ADGRV1: variants seen among roughly 807,000 people sequenced by gnomAD.
ADGRV1 encodes G-protein coupled receptor 98.
In ADGRV1, 359 loss-of-function variants were observed where a neutral mutation model predicts 596.2. The observed-to-expected ratio is 0.60, with a 90% CI of 0.55 to 0.66. ADGRV1 has a LOEUF of 0.66. Ranked by LOEUF, ADGRV1 falls within the 30% of genes least tolerant of loss-of-function variation. The pLI, the probability that ADGRV1 is intolerant of heterozygous loss-of-function variation, is 0.00. For missense variants in ADGRV1, 7,274 were observed against 7,575.6 expected (o/e 0.96, Z 1.48); for synonymous variants, 2,681 against 2,679.2 (o/e 1.00, Z -0.02).
At chr5:90,849,232 T>A (rs1333795097) in intron 79 of ADGRV1, among the ~76,000 whole-genome samples, 1 of 152,204 alleles carries the variant, frequency 6.6e-6, no homozygotes, top group Non-Finnish European at 1.5e-5. Context: ...ACTCTCAGAC[T>A]GTTGTTGAAC....
chr5:90,633,778 A>G (rs1765798395), intron 9 of ADGRV1, among the ~76,000 whole-genome samples: 1 of 152,210 alleles, frequency 6.6e-6, no homozygotes, highest in South Asian at 2.1e-4. Flanking sequence ...AATACTTGAC[A>G]AAATTGATCA....
chr5:91,045,132 C>T (rs974440902), intron 85 of ADGRV1, among the ~76,000 whole-genome samples: 1 of 152,158 alleles, frequency 6.6e-6, no homozygotes, highest in Non-Finnish European at 1.5e-5. Flanking sequence ...GGCACCATTA[C>T]TGTTGACACT....
chr5:90,987,412 G>A (rs936993539), intron 85 of ADGRV1, among the ~76,000 whole-genome samples: 2 of 147,706 alleles, frequency 1.4e-5, no homozygotes, highest in South Asian at 4.3e-4. Flanking sequence ...GGAAGTTGCA[G>A]TGAGCCAAGA....
chr5:90,766,929 A>G (rs1312093028), intron 59 of ADGRV1, among the ~76,000 whole-genome samples: 1 of 152,136 alleles, frequency 6.6e-6, no homozygotes, highest in African/African-American at 2.4e-5. Context: ...AAGGTGGGGA[A>G]GCAGCATATG....
intron 87 of ADGRV1, among the ~76,000 whole-genome samples, chr5:91,145,402 GAAAT>G (rs1427461349): frequency 2.0e-5 from 3 of 152,186 alleles, no homozygotes; most frequent in African/African-American, 7.2e-5. Context: ...GAGAAATCCT[GAAAT>G]AAATCAGTAA....
chr5:90,976,212 G>A (rs1779560987), intron 84 of ADGRV1, among the ~76,000 whole-genome samples: 1 of 117,046 alleles, frequency 8.5e-6, no homozygotes, highest in Admixed American at 8.2e-5. Flanking sequence ...TTGTGTGTGA[G>A]TGTGTATATA....
chr5:91,118,212 G>A (rs531769752), intron 87 of ADGRV1, among the ~76,000 whole-genome samples: 10 of 152,030 alleles, frequency 6.6e-5, no homozygotes, highest in Non-Finnish European at 1.3e-4. Flanking sequence ...TACAAGGTGG[G>A]GAGAGCATAG....
chr5:90,977,149 G>A (rs1387939891), intron 84 of ADGRV1, among the ~76,000 whole-genome samples: 1 of 152,108 alleles, frequency 6.6e-6, no homozygotes, highest in African/African-American at 2.4e-5. Flanking sequence ...AGGTATTAAG[G>A]ACAACAGACT....
intron 45 of ADGRV1, among the ~76,000 whole-genome samples, chr5:90,723,965 G>A (rs16869036): frequency 0.023 from 3,412 of 150,452 alleles, 123 homozygotes; most frequent in African/African-American, 0.081. Flanking sequence ...TTTAAAACAT[G>A]TACCAGTTGT....
At chr5:90,977,609 A>G (rs1482877463) in intron 84 of ADGRV1, among the ~76,000 whole-genome samples, 2 of 152,226 alleles carry the variant, frequency 1.3e-5, no homozygotes, top group South Asian at 2.1e-4. Flanking sequence ...ATATGAAATC[A>G]TAACTATGGC....
At chr5:91,117,813 A>C (rs1745749616) in intron 87 of ADGRV1, among the ~76,000 whole-genome samples, 1 of 152,158 alleles carries the variant, frequency 6.6e-6, no homozygotes, top group Non-Finnish European at 1.5e-5. Flanking sequence ...ATCATTGGGA[A>C]AGTTACTCAG....
intron 50 of ADGRV1, among the ~76,000 whole-genome samples, chr5:90,732,564 C>T (rs575822338): frequency 1.5e-4 from 23 of 152,170 alleles, no homozygotes; most frequent in African/African-American, 5.5e-4. Flanking sequence ...CAGAAATTAC[C>T]CATCTTATAA....
chr5:90,676,926 A>G (rs1744300818), intron 25 of ADGRV1: 1 of 152,238 alleles, frequency 6.6e-6, no homozygotes. Flanking sequence ...ATTTCATGAC[A>G]GAACTCATCT....
intron 1 of ADGRV1, among the ~76,000 whole-genome samples, chr5:90,601,846 G>A (rs762953581): frequency 5.3e-5 from 8 of 152,170 alleles, no homozygotes; most frequent in Non-Finnish European, 1.2e-4. Context: ...TGATACTGCT[G>A]GAGGCTATAA....
At chr5:91,093,851 GT>G (rs376638151) in intron 86 of ADGRV1, among the ~76,000 whole-genome samples, 2,624 of 132,212 alleles carry the variant, frequency 0.02, 37 homozygotes, top group Non-Finnish European at 0.028. Flanking sequence ...ACATACGTAA[GT>G]TTTTTTTTTT....
chr5:91,086,725 A>T (rs1789909630), intron 86 of ADGRV1, among the ~76,000 whole-genome samples: 2 of 152,014 alleles, frequency 1.3e-5, no homozygotes, highest in Non-Finnish European at 1.5e-5. Context: ...CTCCTATGCC[A>T]TTCCCCTACC....
At chr5:91,048,553 C>CAATTGT (rs1786034532) in intron 85 of ADGRV1, among the ~76,000 whole-genome samples, 1 of 152,166 alleles carries the variant, frequency 6.6e-6, no homozygotes, top group Non-Finnish European at 1.5e-5. Context: ...CTACATAGCA[C>CAATTGT]AATTGTAGGT....
intron 21 of ADGRV1, among the ~76,000 whole-genome samples, chr5:90,664,824 G>C (rs1280915746): frequency 1.4e-5 from 2 of 138,916 alleles, no homozygotes; most frequent in African/African-American, 2.8e-5. Flanking sequence ...TTAGCATGAA[G>C]GGTTGTTGAA....
At chr5:91,028,738 T>TG (rs1304526333) in intron 85 of ADGRV1, among the ~76,000 whole-genome samples, 3 of 148,086 alleles carry the variant, frequency 2.0e-5, no homozygotes, top group African/African-American at 5.0e-5. Context: ...CTCTGTTTTT[T>TG]TTTTTTTTTT....
Sources: gnomAD v4.1 joint callset for allele counts (sites outside exome capture counted in the v4.1 genomes callset) on GRCh38, gnomAD v4.1.1 for gene constraint, MANE v1.5 for transcripts, NCBI Gene and HGNC (gene_info 2026-07-23, HGNC 2026-07-21) for gene names.